Variants in THOC5 observed in about 807,000 individuals in gnomAD.
THOC5 encodes the protein Fms-interacting protein.
In THOC5, 43 loss-of-function variants were observed where a neutral mutation model predicts 92.9. The observed-to-expected ratio is 0.46, with a 90% CI of 0.36 to 0.60. THOC5 has a LOEUF of 0.60. Among genes scored for constraint, THOC5 ranks in the 20% least tolerant of loss-of-function variants. THOC5 has a pLI of 0.00. For synonymous variants in THOC5, 296 were observed against 320.1 expected, an observed-to-expected ratio of 0.92 and a Z score of 0.80; for missense variants, 659 against 849.4, an observed-to-expected ratio of 0.78 and a Z score of 2.79.
intron 17 of THOC5, among the ~76,000 whole-genome samples, chr22:29,513,651 T>C (rs1312419033): frequency 6.6e-6 from 1 of 151,992 alleles, no homozygotes; most frequent in African/African-American, 2.4e-5. Context: ...ATCATGCCAC[T>C]GTACTCCAGC....
Position 29,524,468 on chromosome 22 carries a change from C to T in THOC5, c.1175+1370G>A, listed in dbSNP as rs1228536341. Among the ~76,000 whole-genome samples, 4 of 152,174 alleles carry T rather than the reference C, an allele frequency of 2.6e-5. No homozygotes were observed. The East Asian group carries it at 5.8e-4, about 22-fold the overall frequency. On this transcript the variant is annotated intron_variant, in intron 12 of 19. Transcript: ENST00000490103. Reference sequence around the variant, plus strand: ...AGCTTAGTGAAGAGCTGGAGTTGAGCATGCAATAAAGCCAGGCTGCAGCCC... The same window carrying T: ...AGCTTAGTGAAGAGCTGGAGTTGAGTATGCAATAAAGCCAGGCTGCAGCCC...
chr22:29,531,044 G>A (rs765011163), intron 8 of THOC5: 8 of 1,086,606 alleles, frequency 7.4e-6, no homozygotes, highest in East Asian at 9.9e-5. Context: ...GGAACAGGCC[G>A]ATTTTAAACA....
At chr22:29,521,251 T>C (rs1278869939) in intron 12 of THOC5, 152 bp from the exon 13 acceptor site, 7 of 629,968 alleles carry the variant, frequency 1.1e-5, no homozygotes, top group East Asian at 2.7e-5. Flanking sequence ...GTTTATATGC[T>C]TGAGGTCATT....
rs1354064693 is a variant in THOC5 at position 29,543,433 on chromosome 22, TG to T, written c.349del (p.His117ThrfsTer7). On this transcript the variant is annotated frameshift_variant, in exon 4 of 20. Transcript: ENST00000490103. LOFTEE classifies it high-confidence loss of function. Reference sequence around the variant, plus strand: ...ATTAAACCTTTTAACTACTACCTCGTGGGTCTGATCTCTTCCTTTCTTCAAC... The same window carrying T: ...ATTAAACCTTTTAACTACTACCTCGTGGTCTGATCTCTTCCTTTCTTCAAC... ...IRLKKGRDQTHEAKQKVDAYH... is the reference protein window; with the variant it reads ...IRLKKGRDQTXEAKQKVDAYH... 1.9e-6 allele frequency: 3 copies of T among 1,608,896 alleles called. No individual in the cohort carries two copies. In the Admixed American group the frequency reaches 5.0e-5, roughly 27 times the overall value.
At chr22:29,545,219 C>G (rs568853408) in intron 2 of THOC5, 1 of 211,334 alleles carries the variant, frequency 4.7e-6, no homozygotes, top group South Asian at 5.2e-5. Flanking sequence ...GAGAATAGCA[C>G]GGGAAAGACT....
chr22:29,525,972 TTA>T, intron 11 of THOC5, 26 bp from the exon 12 acceptor site: 1 of 1,460,194 alleles, frequency 6.8e-7, no homozygotes, highest in Non-Finnish European at 9.3e-7. Context: ...ATGAGAGAAT[TTA>T]TGAGTCAAAA....
intron 5 of THOC5, among the ~76,000 whole-genome samples, chr22:29,540,008 G>A (rs951538001): frequency 3.3e-5 from 5 of 152,282 alleles, no homozygotes; most frequent in East Asian, 3.9e-4. Flanking sequence ...TGCCAGGCGC[G>A]GTGGCTCACC....
intron 1 of THOC5, among the ~76,000 whole-genome samples, chr22:29,552,991 G>A (rs1399546361): frequency 6.6e-6 from 1 of 152,096 alleles, no homozygotes; most frequent in Non-Finnish European, 1.5e-5. Flanking sequence ...GGGTTAAATG[G>A]ATTAAGGGCG....
intron 14 of THOC5, 80 bp downstream of exon 14, chr22:29,519,928 C>T (rs2063407073): frequency 1.6e-6 from 2 of 1,221,620 alleles, no homozygotes; most frequent in Middle Eastern, 5.8e-4. Flanking sequence ...GCCACCGCAC[C>T]TGGCCTGGCC....
intron 19 of THOC5, 83 bp downstream of exon 19, chr22:29,511,023 G>T: frequency 6.8e-7 from 1 of 1,468,270 alleles, no homozygotes; most frequent in Non-Finnish European, 9.3e-7. Flanking sequence ...GAAGGAAGAA[G>T]CAAGCTCTCC....
At chr22:29,538,995 AGCTACTCGG>A (rs1286172754) in intron 6 of THOC5, among the ~76,000 whole-genome samples, 2 of 149,950 alleles carry the variant, frequency 1.3e-5, no homozygotes, top group African/African-American at 4.9e-5. Context: ...CCTACCACCC[AGCTACTCGG>A]GAGGCTGAGG....
At chr22:29,544,435 A>C in intron 3 of THOC5, 25 bp downstream of exon 3, 1 of 1,607,478 alleles carries the variant, frequency 6.2e-7, no homozygotes, top group Admixed American at 1.7e-5. Flanking sequence ...CACCAGGTTC[A>C]CGGCCACCTG....
intron 7 of THOC5, among the ~76,000 whole-genome samples, chr22:29,534,199 C>T (rs2063709182): frequency 6.6e-6 from 1 of 152,146 alleles, no homozygotes; most frequent in East Asian, 1.9e-4. Flanking sequence ...CTATGATTCT[C>T]TTTGTATAGA....
rs1471606311 is a variant in THOC5, at chr22:29,539,375, T to A, written c.554A>T (p.Gln185Leu). The change falls in exon 6 of 20, where the codon CAG (glutamine) becomes CTG (leucine). Residue 185 changes from glutamine to leucine, a missense_variant. Transcript: ENST00000490103. ...KAEVTMGDPH[Q>L]QTLARLDWEL... is the part of the protein sequence containing the mutation. ...CCAGTCCAGACGTGCCAGTGTTTGC[T>A]GGTGAGGGTCTCCCATGGTGACTTC... is the stretch of plus-strand genomic sequence containing the variant. 6.2e-7 allele frequency: 1 copy of A among 1,613,982 alleles called. No individual in the cohort carries two copies. The highest frequency in any genetic ancestry group is 8.5e-7 in the Non-Finnish European group (1 of 1,179,950).
At chr22:29,523,597 G>A (rs1340758392) in intron 12 of THOC5, among the ~76,000 whole-genome samples, 1 of 152,122 alleles carries the variant, frequency 6.6e-6, no homozygotes, top group Non-Finnish European at 1.5e-5. Flanking sequence ...CAGAGCAAAC[G>A]ACCCATTTTC....
chr22:29,542,972 G>C lies in THOC5; in HGVS notation c.355-16C>G. The C allele has an allele frequency of 6.3e-7, 1 of 1,590,278 alleles. No individual in the cohort carries two copies. The highest frequency in any genetic ancestry group is 1.1e-5 in the South Asian group (1 of 89,478). On this transcript the variant is annotated splice_polypyrimidine_tract_variant and intron_variant, in intron 4 of 19. Transcript: ENST00000490103. The stretch of plus-strand genomic sequence containing the variant: ...TCTGCTTAGCCTGAAAGGAAAATAC[G>C]ATCAGAAGTGAGCAGGGCAAGTCAG...
At chr22:29,530,843 G>A (rs1220080336) in intron 8 of THOC5, among the ~76,000 whole-genome samples, 1 of 151,984 alleles carries the variant, frequency 6.6e-6, no homozygotes, top group African/African-American at 2.4e-5. Flanking sequence ...AGCCTGAAAC[G>A]GTTTGCCTAG....
chr22:29,521,845 G>T (rs1206028745), intron 12 of THOC5, among the ~76,000 whole-genome samples: 1 of 152,064 alleles, frequency 6.6e-6, no homozygotes, highest in Non-Finnish European at 1.5e-5. Flanking sequence ...GAACCAAAGG[G>T]GGTTCTCCTT....
intron 12 of THOC5, among the ~76,000 whole-genome samples, chr22:29,522,428 G>GGACT (rs1374644520): frequency 1.5e-4 from 23 of 151,436 alleles, no homozygotes; most frequent in Non-Finnish European, 3.2e-4. Context: ...AAGTGTTTAG[G>GGACT]GACTATTACT....
Sources: allele counts gnomAD v4.1 joint callset (sites outside exome capture counted in the v4.1 genomes callset), GRCh38; gene constraint gnomAD v4.1.1; transcripts MANE v1.5; gene names NCBI Gene and HGNC (gene_info 2026-07-23, HGNC 2026-07-21).